The following LRRK1 variants were observed in gnomAD, a reference collection of about 807,000 sequenced individuals.
LRRK1 encodes the protein leucine-rich repeat serine/threonine-protein kinase 1.
Under a neutral mutation model 209.1 loss-of-function variants are expected in LRRK1, and 113 were observed. That is an observed-to-expected ratio of 0.54 (90% confidence interval 0.46 to 0.63). The LOEUF (loss-of-function observed/expected upper bound fraction) is 0.63, where lower values mean the gene tolerates loss of function less well. Among genes scored for constraint, LRRK1 ranks in the 30% least tolerant of loss-of-function variants. LRRK1 has a pLI of 0.00. For missense variants in LRRK1, 2,284 were observed against 2,632.2 expected, an observed-to-expected ratio of 0.87 and a Z score of 2.89; for synonymous variants, 1,144 against 1,099.7, an observed-to-expected ratio of 1.04 and a Z score of -0.80.
intron 12 of LRRK1, among the ~76,000 whole-genome samples, chr15:101,019,088 A>T (rs2033667749): frequency 6.6e-6 from 1 of 152,214 alleles, no homozygotes. Context: ...CAGTTCTTAA[A>T]TACCTTGAAC....
At chr15:100,961,510 G>C (rs568803351) in intron 2 of LRRK1, among the ~76,000 whole-genome samples, 1 of 151,994 alleles carries the variant, frequency 6.6e-6, no homozygotes, top group Non-Finnish European at 1.5e-5. Flanking sequence ...AAAATTAGCC[G>C]GGCATGGTGG....
rs1293511139 is a variant in LRRK1 at position 101,027,893 on chromosome 15, C to T, written c.2686+96C>T. Reference sequence around the variant, plus strand: ...TTGGCCTCAGTAATGAATGAGAGACCGACACCCAGCCTGCGTTTCTGCCTT... The same window carrying T: ...TTGGCCTCAGTAATGAATGAGAGACTGACACCCAGCCTGCGTTTCTGCCTT... On this transcript the variant is annotated intron_variant, in intron 19 of 33. Transcript: ENST00000388948. This position sits in a 1 kb window ranked among gnomAD's most constrained non-coding sequence, Gnocchi z 5.1. The T allele has an allele frequency of 6.1e-6, 7 of 1,140,148 alleles. No homozygotes were observed. The highest frequency in any genetic ancestry group is 4.8e-5 in the South Asian group (3 of 62,248). The allele number at this position is 1,140,148 out of a possible 1,614,324, so 70.6% of individuals were successfully genotyped here.
In LRRK1 at chr15:100,936,417, A is replaced by G. The variant is rs80328162; in HGVS notation, c.97+11688A>G. On this transcript the variant is annotated intron_variant, in intron 2 of 33. Coordinates refer to ENST00000388948, the MANE Select transcript of LRRK1 (RefSeq NM_024652.6). Reference sequence around the variant, plus strand: ...CCCCCTGGGCTACCATCTATTGCGCAGGGGTTGGCATGAACTCCACAATGT... The same window carrying G: ...CCCCCTGGGCTACCATCTATTGCGCGGGGGTTGGCATGAACTCCACAATGT... Among the ~76,000 whole-genome samples, 1,246 of 152,318 alleles carry G rather than the reference A, an allele frequency of 8.2e-3. 14 individuals carry two copies. The highest frequency in any genetic ancestry group is 0.028 in the African/African-American group (1,182 of 41,564).
In LRRK1 at chr15:101,052,994, C is replaced by G; in HGVS notation, c.3762C>G (p.Gly1254=). Residue 1254 remains glycine (G), a synonymous_variant, in exon 25 of 34, where the codon GGC becomes GGG. Transcript: ENST00000388948. ...EGSVLGQGGS[G]TVIYRARYQG... ...GCGTCCTGGGCCAGGGCGGCAGTGGCACCGTCATCTACCGGGCCCGGTACC... is the reference window on the plus strand; with the variant it reads ...GCGTCCTGGGCCAGGGCGGCAGTGGGACCGTCATCTACCGGGCCCGGTACC... 4.3e-6 allele frequency: 7 copies of G among 1,613,066 alleles called. No homozygotes were observed. The highest frequency in any genetic ancestry group is 5.9e-6 in the Non-Finnish European group (7 of 1,179,524).
intron 12 of LRRK1, among the ~76,000 whole-genome samples, chr15:101,018,885 A>G (rs2033660388): frequency 6.6e-6 from 1 of 152,202 alleles, no homozygotes; most frequent in Non-Finnish European, 1.5e-5. Context: ...TCCCAGGGCC[A>G]TGGACCCTTG....
chr15:100,991,387 A>C (rs1420801601), intron 6 of LRRK1, among the ~76,000 whole-genome samples: 1 of 152,110 alleles, frequency 6.6e-6, no homozygotes, highest in African/African-American at 2.4e-5. Flanking sequence ...TATGTTCTTT[A>C]ATGAGATTTT....
At position 101,031,153 on chromosome 15, in the gene LRRK1, C is replaced by T. The variant is rs768517944; in HGVS notation, c.2963+1921C>T. Among the ~76,000 whole-genome samples the T allele has an allele frequency of 7.6e-4, 115 of 152,176 alleles. 1 individual carries two copies. The highest frequency in any genetic ancestry group is 2.6e-4 in the Admixed American group (4 of 15,280). On this transcript the variant is annotated intron_variant, in intron 20 of 33. Coordinates refer to ENST00000388948, the MANE Select transcript of LRRK1 (RefSeq NM_024652.6). ...TTTACTTACAGTGAAATGCCCGGAT[C>T]GCTAGTGTTCAAAACAATGACTTTT...
chr15:100,982,575 G>C (rs765030286), intron 3 of LRRK1, among the ~76,000 whole-genome samples: 1 of 152,192 alleles, frequency 6.6e-6, no homozygotes, highest in South Asian at 2.1e-4. Context: ...CTTAGGTCCA[G>C]TTTCCACCAT....
chr15:101,066,637 T>C lies in LRRK1; in HGVS notation c.5769-3T>C. 6.2e-7 allele frequency: 1 copy of C among 1,614,060 alleles called. No individual in the cohort carries two copies. The highest frequency in any genetic ancestry group is 1.7e-5 in the Admixed American group (1 of 60,016). ...CTTCCCCTTCTGGGTTTTGGTTGCT[T>C]AGGCGCGGTGGAGATGTTATCGTCA... is the stretch of plus-strand genomic sequence containing the variant. On this transcript the variant is annotated splice_polypyrimidine_tract_variant and splice_region_variant and intron_variant, in intron 32 of 33. Transcript: ENST00000388948.
At chr15:101,012,658 A>C (rs973383255) in intron 10 of LRRK1, among the ~76,000 whole-genome samples, 983 of 7,254 alleles carry the variant, frequency 0.14, 8 homozygotes, top group Middle Eastern at 0.5. Context: ...GCCACCCTGC[A>C]CAGGCTTCAG....
intron 15 of LRRK1, among the ~76,000 whole-genome samples, chr15:101,023,219 G>A (rs2033877292): frequency 6.6e-6 from 1 of 152,092 alleles, no homozygotes; most frequent in Non-Finnish European, 1.5e-5. Context: ...CTGTTTCTAA[G>A]CCCTACTTAA....
chr15:100,967,514 T>C (rs2030542147), intron 2 of LRRK1, among the ~76,000 whole-genome samples: 2 of 151,238 alleles, frequency 1.3e-5, no homozygotes, highest in South Asian at 4.2e-4. Flanking sequence ...AGCTTGCCTT[T>C]TTTCTTTCTG....
Position 101,029,219 on chromosome 15 carries a change from G to A in LRRK1, c.2950G>A (p.Val984Ile), listed in dbSNP as rs369265377. Residue 984 changes from valine (V) to isoleucine (I), a missense_variant, in exon 20 of 34, where the codon GTC becomes ATC. This residue lies in a region of LRRK1 where 780 missense variants were observed against 985.2 expected (regional missense o/e 0.79). Coordinates refer to ENST00000388948, the MANE Select transcript of LRRK1 (RefSeq NM_024652.6). ...FLAKFEIALP[V>I]ANDSYLLPHL... ...GGCCAAGTTTGAGATCGCCCTGCCC[G>A]TCGCCAATGACAGGTGAGGACACAA... The A allele has an allele frequency of 4.5e-5, 73 of 1,611,292 alleles. No individual in the cohort carries two copies. Among genetic ancestry groups the A allele is most frequent in the East Asian group, 3.6e-4 (16 of 44,812 alleles).
chr15:101,064,538 C>T (rs2036409583), intron 31 of LRRK1: 1 of 152,730 alleles, frequency 6.5e-6, no homozygotes, highest in African/African-American at 2.4e-5. Flanking sequence ...TGGCCTCTGC[C>T]CGGTGACCTC....
At chr15:100,924,174 G>A (rs1187259045) in intron 1 of LRRK1, among the ~76,000 whole-genome samples, 1 of 152,168 alleles carries the variant, frequency 6.6e-6, no homozygotes, top group Non-Finnish European at 1.5e-5. Flanking sequence ...GAGCCATCTT[G>A]GTGCCACTGA....
chr15:100,924,085 G>A (rs556134844), intron 1 of LRRK1, among the ~76,000 whole-genome samples: 1 of 152,336 alleles, frequency 6.6e-6, no homozygotes, highest in Admixed American at 6.5e-5. Flanking sequence ...GGCAAAAGGA[G>A]AGCCTTGTAT....
chr15:100,968,583 A>T (rs984071282), intron 2 of LRRK1, among the ~76,000 whole-genome samples: 8 of 152,174 alleles, frequency 5.3e-5, no homozygotes, highest in Admixed American at 5.2e-4. Flanking sequence ...ATGACTAATG[A>T]CATTGAGCTT....
At chr15:101,020,173 C>T (rs2033711991) in intron 12 of LRRK1, among the ~76,000 whole-genome samples, 1 of 152,092 alleles carries the variant, frequency 6.6e-6, no homozygotes, top group African/African-American at 2.4e-5. Context: ...AATTCCTTTC[C>T]CCAGAGACAA....
At chr15:101,046,650 G>A (rs1245561433) in intron 21 of LRRK1, among the ~76,000 whole-genome samples, 1 of 152,190 alleles carries the variant, frequency 6.6e-6, no homozygotes, top group Admixed American at 6.5e-5. Flanking sequence ...ACTCCAGACC[G>A]ATTGAATCAG....
Sources: allele counts gnomAD v4.1 joint callset (sites outside exome capture counted in the v4.1 genomes callset), GRCh38; gene constraint gnomAD v4.1.1; regional missense constraint gnomAD v4.1.1; non-coding constraint Gnocchi (gnomAD v3.1); transcripts MANE v1.5; gene names NCBI Gene and HGNC (gene_info 2026-07-23, HGNC 2026-07-21).